Variants in VPS33B observed in about 807,000 individuals in gnomAD.
The protein encoded by VPS33B is VPS33B late endosome and lysosome associated.
A neutral mutation model predicts 95.3 loss-of-function variants in VPS33B; 80 were observed. The observed-to-expected ratio is 0.84, with a 90% confidence interval of 0.70 to 1.01. The LOEUF is 1.01. Among genes scored for constraint, VPS33B ranks in the 50% least tolerant of loss-of-function variants. VPS33B has a pLI of 0.00. For synonymous variants in VPS33B, 280 were observed against 280.4 expected, an observed-to-expected ratio of 1.00 and a Z score of 0.01; for missense variants, 715 against 773.4, an observed-to-expected ratio of 0.92 and a Z score of 0.90.
chr15:91,022,126 G>A (rs1596375774), intron 1 of VPS33B, 28 bp downstream of exon 1: 1 of 1,551,866 alleles, frequency 6.4e-7, no homozygotes, highest in Non-Finnish European at 8.7e-7. Flanking sequence ...AACTGTAGAT[G>A]CGATAAAGGC....
Position 91,006,046 on chromosome 15 carries a change from A to G in VPS33B, c.866T>C (p.Ile289Thr). The change falls in exon 12 of 23, where the codon ATT becomes ACT. Residue 289 changes from isoleucine (I) to threonine (T), a missense_variant. By Grantham distance (89) the Ile-to-Thr change is moderately conservative. Transcript: ENST00000333371. This position sits in a 1 kb window ranked among gnomAD's most constrained non-coding sequence, Gnocchi z 5.4. ...LNAEDKVFNE[I>T]RNEHFSNVFG... The stretch of plus-strand genomic sequence containing the variant: ...GACATTGGAGAAGTGCTCGTTCCGA[A>G]TCTCATTAAACACCTGTGAGGACAG... 6.2e-7 allele frequency: 1 copy of G among 1,614,190 alleles called. No homozygotes were observed. The highest frequency in any genetic ancestry group is 8.5e-7 in the Non-Finnish European group (1 of 1,180,042).
rs2040724735 is a variant in VPS33B, at chr15:91,009,660, T to TC, written c.403+140dup. The TC allele has an allele frequency of 2.3e-6, 2 of 869,422 alleles. No individual in the cohort carries two copies. Among genetic ancestry groups the TC allele is most frequent in the South Asian group, 3.0e-5 (2 of 66,326 alleles). 53.9% of individuals were successfully genotyped at this position (869,422 alleles called of 1,614,324 possible). ...TCCCATTCCCATTCTCAGGAACCTC[T>TC]CCTCCTGCTACACTAACAGGAATAA... On this transcript the variant is annotated intron_variant, in intron 6 of 22. Coordinates refer to ENST00000333371, the MANE Select transcript of VPS33B (RefSeq NM_018668.5). This position sits in a 1 kb window ranked among gnomAD's most constrained non-coding sequence, Gnocchi z 4.1.
At chr15:91,004,220 C>CT (rs201115402) in intron 16 of VPS33B, among the ~76,000 whole-genome samples, 1,257 of 121,822 alleles carry the variant, frequency 0.01, 25 homozygotes, top group African/African-American at 0.043. Context: ...AAGACTCTGT[C>CT]TTAAAAAAAA....
chr15:91,022,586 A>C lies in VPS33B; in HGVS notation c.-337T>G. The stretch of plus-strand genomic sequence containing the variant: ...AACCCCGCCTTCTACCAGAAAAAGA[A>C]GCGACTTCCTAGATCTCCCGGAAGT... On this transcript the variant is annotated 5_prime_UTR_variant, in exon 1 of 23. Coordinates refer to ENST00000333371, the MANE Select transcript of VPS33B (RefSeq NM_018668.5). The C allele has an allele frequency of 5.0e-6, 1 of 199,978 alleles. No homozygotes were observed. Among genetic ancestry groups the C allele is most frequent in the Non-Finnish European group, 1.0e-5 (1 of 99,968 alleles). 12.4% of individuals were successfully genotyped at this position (199,978 alleles called of 1,614,324 possible).
At position 91,005,055 on chromosome 15, in the gene VPS33B, C is replaced by T. The variant is rs1015983203; in HGVS notation, c.1170G>A (p.Gln390=). 2 of 1,614,254 alleles carry T rather than the reference C, an allele frequency of 1.2e-6. No individual in the cohort carries two copies. Among genetic ancestry groups the T allele is most frequent in the South Asian group, 1.1e-5 (1 of 91,090 alleles). Residue 390 remains glutamine (Q), a splice_region_variant and synonymous_variant, in exon 15 of 23, where the codon CAG becomes CAA. Transcript: ENST00000333371. The surrounding 1 kb of genome is among the most constrained non-coding windows in gnomAD (Gnocchi z 6.4). ...CACCCCCAGCCCTCCACCTGCGCAC[C>T]TGCCGGTCTATGTGTTCCTCAATGT... is the stretch of plus-strand genomic sequence containing the variant. ...TSYIEEHIDR[Q]VSPIESLRLM...
At chr15:91,017,422 A>ATT in intron 2 of VPS33B, among the ~76,000 whole-genome samples, 1 of 113,672 alleles carries the variant, frequency 8.8e-6, no homozygotes, top group Non-Finnish European at 1.9e-5. Flanking sequence ...ATATATATAT[A>ATT]TTCTGTAGTA....
Position 90,999,010 on chromosome 15 carries a change from G to A in VPS33B, c.1819C>T (p.Arg607Cys), listed in dbSNP as rs868113080. 1.2e-6 allele frequency: 2 copies of A among 1,614,160 alleles called. No homozygotes were observed. Among genetic ancestry groups the A allele is most frequent in the Admixed American group, 1.7e-5 (1 of 60,016 alleles). The change falls in exon 23 of 23, where the codon CGC becomes TGC. Residue 607 changes from arginine to cysteine, a missense_variant. Physicochemically the swap from Arg to Cys is radical, Grantham distance 180. Transcript: ENST00000333371. This position sits in a 1 kb window ranked among gnomAD's most constrained non-coding sequence, Gnocchi z 5.1. Reference sequence around the variant, plus strand: ...ACCTCACTCATGGCCTCCATAAGGCGAGCGCTGTTTGTGACTGCTGTCGTC... The same window carrying A: ...ACCTCACTCATGGCCTCCATAAGGCAAGCGCTGTTTGTGACTGCTGTCGTC... Reference protein sequence around the residue: ...FLTTAVTNSARLMEAMSEVKA With the variant: ...FLTTAVTNSACLMEAMSEVKA
At position 91,006,555 on chromosome 15, in the gene VPS33B, G is replaced by A. The variant is rs1031023011; in HGVS notation, c.778+97C>T. On this transcript the variant is annotated intron_variant, in intron 10 of 22. Coordinates refer to ENST00000333371, the MANE Select transcript of VPS33B (RefSeq NM_018668.5). The surrounding 1 kb of genome is among the most constrained non-coding windows in gnomAD (Gnocchi z 5.4). ...TATTTGGAAGCCAGCAGTTCATTCA[G>A]GGTCTGGGTCTCTCCCACAAACCCT... 6 of 1,607,874 alleles carry A rather than the reference G, an allele frequency of 3.7e-6. No individual in the cohort carries two copies. The highest frequency in any genetic ancestry group is 1.7e-4 in the Middle Eastern group (1 of 6,032).
At chr15:91,017,456 T>TAAATTTAAATTTAA (rs2040974692) in intron 2 of VPS33B, among the ~76,000 whole-genome samples, 1 of 111,556 alleles carries the variant, frequency 9.0e-6, no homozygotes, top group African/African-American at 3.4e-5. Context: ...AAATAAATAA[T>TAAATTTAAATTTAA]AAATTTAAAT....
rs1439798353 is a variant in VPS33B at position 91,010,093 on chromosome 15, T to G, written c.358-247A>C. ...TATCTCCCTGAGAGAATGGAAGAGG[T>G]TTACAAAGGAGAAGGAGTTCAGCTG... On this transcript the variant is annotated intron_variant, in intron 5 of 22. Transcript: ENST00000333371. This position sits in a 1 kb window ranked among gnomAD's most constrained non-coding sequence, Gnocchi z 5.7. Among the ~76,000 whole-genome samples, 1 of 152,000 alleles carries G rather than the reference T, an allele frequency of 6.6e-6. No homozygotes were observed. Among genetic ancestry groups the G allele is most frequent in the Non-Finnish European group, 1.5e-5 (1 of 67,998 alleles).
chr15:91,019,035 GA>G (rs551856547), intron 1 of VPS33B, among the ~76,000 whole-genome samples: 2,428 of 149,578 alleles, frequency 0.016, 71 homozygotes, highest in African/African-American at 0.055. Context: ...GGCTGGTCTT[GA>G]ACTCCTGACC....
rs112494892 is a variant in VPS33B at position 91,013,989 on chromosome 15, G to A, written c.290-118C>T. On this transcript the variant is annotated intron_variant, in intron 4 of 22. Coordinates refer to ENST00000333371, the MANE Select transcript of VPS33B (RefSeq NM_018668.5). This position sits in a 1 kb window ranked among gnomAD's most constrained non-coding sequence, Gnocchi z 4.5. ...ATCCCAGCACTTGGGAGGCTGAGGC[G>A]GGTGGATCACCTGAGGTCAGGAGTT... 4.8e-3 allele frequency: 5,995 copies of A among 1,246,808 alleles called. 225 individuals are homozygous for A. In the African/African-American group the frequency reaches 0.079, roughly 16 times the overall value. The allele number at this position is 1,246,808 out of a possible 1,614,324, so 77.2% of individuals were successfully genotyped here.
intron 2 of VPS33B, among the ~76,000 whole-genome samples, chr15:91,017,367 AATATATATATATAT>A (rs1159663715): frequency 6.3e-3 from 100 of 15,842 alleles, no homozygotes; most frequent in Non-Finnish European, 8.3e-3. Flanking sequence ...TACAAAATTA[AATATATATATATAT>A]ATATATATAT....
chr15:91,007,963 A>G lies in VPS33B; in HGVS notation c.405T>C (p.Asp135=), dbSNP rs1210526441. The change falls in exon 7 of 23, where the codon GAT becomes GAC. Residue 135 remains aspartate, a splice_region_variant and synonymous_variant. Coordinates refer to ENST00000333371, the MANE Select transcript of VPS33B (RefSeq NM_018668.5). The surrounding 1 kb of genome is among the most constrained non-coding windows in gnomAD (Gnocchi z 5.3). ...AGAAGGCCCATTCATCACAGCTCAC[A>G]TCTGTGGGGACAGAGAGCATCAGCC... is the stretch of plus-strand genomic sequence containing the variant. ...MVLEEEGIYG[D]VSCDEWAFSL... The G allele has an allele frequency of 1.2e-6, 2 of 1,614,134 alleles. No homozygotes were observed. The highest frequency in any genetic ancestry group is 1.7e-6 in the Non-Finnish European group (2 of 1,180,000).
Position 91,013,744 on chromosome 15 carries a change from C to T in VPS33B, c.357+60G>A. On this transcript the variant is annotated intron_variant, in intron 5 of 22. Coordinates refer to ENST00000333371, the MANE Select transcript of VPS33B (RefSeq NM_018668.5). This position sits in a 1 kb window ranked among gnomAD's most constrained non-coding sequence, Gnocchi z 4.5. ...GGAGGTAGTGCTGTTGGCCCCTTAC[C>T]CCTGCCCGGTCCTCAGTCCTGTTCT... 2.5e-6 allele frequency: 4 copies of T among 1,594,710 alleles called. No individual in the cohort carries two copies. The Admixed American group carries it at 6.7e-5, about 27-fold the overall frequency.
rs1392341868 is a variant in VPS33B at position 91,015,297 on chromosome 15, T to C, written c.240-864A>G. On this transcript the variant is annotated intron_variant, in intron 3 of 22. Transcript: ENST00000333371. The surrounding 1 kb of genome is among the most constrained non-coding windows in gnomAD (Gnocchi z 4.7). ...GTTACAGTGAGCCCAGATCGCGCCA[T>C]TGCTCTCCAGCCTGGATGACAAGAG... 2.0e-5 allele frequency among the ~76,000 whole-genome samples: 3 copies of C among 151,896 alleles called. No individual in the cohort carries two copies. Among genetic ancestry groups the C allele is most frequent in the African/African-American group, 4.8e-5 (2 of 41,310 alleles).
In VPS33B at chr15:91,022,404, G is replaced by A. The variant is rs1035563253; in HGVS notation, c.-155C>T. ...CCCTCGCTCCTCAGCAGCACTCCAG[G>A]AATGAATGGCCACCTCCAGGCAAGA... is the stretch of plus-strand genomic sequence containing the variant. On this transcript the variant is annotated 5_prime_UTR_variant, in exon 1 of 23. Transcript: ENST00000333371. 37 of 661,090 alleles carry A rather than the reference G, an allele frequency of 5.6e-5. No homozygotes were observed. The highest frequency in any genetic ancestry group is 3.0e-5 in the Admixed American group (1 of 33,322). 41.0% of individuals were successfully genotyped at this position (661,090 alleles called of 1,614,324 possible). A position where few individuals can be genotyped will look rare whatever the true frequency, so the allele number is the denominator to read the frequency against.
In VPS33B at chr15:91,010,528, G is replaced by A. The variant is rs1265882591; in HGVS notation, c.358-682C>T. Among the ~76,000 whole-genome samples, 3 of 152,172 alleles carry A rather than the reference G, an allele frequency of 2.0e-5. No homozygotes were observed. The East Asian group carries it at 5.8e-4, about 29-fold the overall frequency. ...AGGTGGGAGGATCACTTGAGCCCAG[G>A]AGGTCAAGGCTGCACTGAGCTGAGA... is the stretch of plus-strand genomic sequence containing the variant. On this transcript the variant is annotated intron_variant, in intron 5 of 22. Coordinates refer to ENST00000333371, the MANE Select transcript of VPS33B (RefSeq NM_018668.5). The surrounding 1 kb of genome is among the most constrained non-coding windows in gnomAD (Gnocchi z 5.7).
chr15:91,011,945 C>T lies in VPS33B; in HGVS notation c.357+1859G>A, dbSNP rs796888783. On this transcript the variant is annotated intron_variant, in intron 5 of 22. Transcript: ENST00000333371. The surrounding 1 kb of genome is among the most constrained non-coding windows in gnomAD (Gnocchi z 5.5). ...CGGAGGTTGCAGTGAGTCGAGATTGCGGCACTGCACTCCAGTCTGGGTGAC... is the reference window on the plus strand; with the variant it reads ...CGGAGGTTGCAGTGAGTCGAGATTGTGGCACTGCACTCCAGTCTGGGTGAC... Among the ~76,000 whole-genome samples the T allele has an allele frequency of 1.1e-4, 16 of 152,014 alleles. No individual in the cohort carries two copies. The highest frequency in any genetic ancestry group is 3.4e-4 in the African/African-American group (14 of 41,470).
Sources: allele counts gnomAD v4.1 joint callset (sites outside exome capture counted in the v4.1 genomes callset), GRCh38; gene constraint gnomAD v4.1.1; non-coding constraint Gnocchi (gnomAD v3.1); transcripts MANE v1.5; gene names NCBI Gene and HGNC (gene_info 2026-07-23, HGNC 2026-07-21).